NAALADL2: variants seen among roughly 807,000 people sequenced by gnomAD.
NAALADL2 encodes N-acetylated alpha-linked acidic dipeptidase like 2, also known as inactive N-acetylated-alpha-linked acidic dipeptidase-like protein 2.
A neutral mutation model predicts 87.2 loss-of-function variants in NAALADL2; 76 were observed. The ratio of observed to expected loss-of-function variants is 0.87; its 90% CI spans 0.72 to 1.05. The LOEUF (loss-of-function observed/expected upper bound fraction) is 1.05, where lower values mean the gene tolerates loss of function less well. Among genes scored for constraint, NAALADL2 ranks in the 50% least tolerant of loss-of-function variants. The pLI, the probability that NAALADL2 is intolerant of heterozygous loss-of-function variation, is 0.00. For synonymous variants in NAALADL2, 354 were observed against 331.0 expected (o/e 1.07, Z -0.75); for missense variants, 1,089 against 945.8 (o/e 1.15, Z -1.99).
In NAALADL2 at chr3:175,338,594, CAAAAAA is replaced by C. The variant is rs59687897; in HGVS notation, c.1090+14284_1090+14289del. Among the ~76,000 whole-genome samples the C allele has an allele frequency of 2.2e-3, 94 of 41,976 alleles. 1 individual carries two copies. The South Asian group carries it at 0.04, about 18-fold the overall frequency. The allele number at this position is 41,976 out of a possible 152,430, so 27.5% of individuals were successfully genotyped here. ...CAGAGAATTATAAAAATACAAAAAC[CAAAAAA>C]AAAAAAAAAAAAAACACCACAAACA... On this transcript the variant is annotated intron_variant, in intron 5 of 13. Transcript: ENST00000454872.
At chr3:175,571,817 C>A (rs79638791) in intron 9 of NAALADL2, among the ~76,000 whole-genome samples, 18 of 152,262 alleles carry the variant, frequency 1.2e-4, no homozygotes, top group African/African-American at 3.4e-4. Flanking sequence ...CTCAAATCTG[C>A]AAATTGGGTT....
In NAALADL2 at chr3:174,612,953, A is replaced by G. The variant is rs114791047; in HGVS notation, c.-115+62316A>G. On this transcript the variant is annotated intron_variant, in intron 2 of 3. Transcript: ENST00000434257. ...TCCTTCTTGGGAGAGCTTTCCATAC[A>G]GTTGAAAGGACATGGGTATTACGAC... Among the ~76,000 whole-genome samples, 1,461 of 152,288 alleles carry G rather than the reference A, an allele frequency of 9.6e-3. 24 individuals carry two copies. The highest frequency in any genetic ancestry group is 0.033 in the African/African-American group (1,368 of 41,556).
intron 2 of NAALADL2, among the ~76,000 whole-genome samples, chr3:175,139,539 A>G (rs1024092383): frequency 1.3e-5 from 2 of 151,770 alleles, no homozygotes; most frequent in South Asian, 4.1e-4. Context: ...CATTATTCTG[A>G]AATGCTACGT....
At chr3:175,364,407 G>A (rs1401173184) in intron 5 of NAALADL2, among the ~76,000 whole-genome samples, 1 of 147,908 alleles carries the variant, frequency 6.8e-6, no homozygotes, top group Non-Finnish European at 1.5e-5. Flanking sequence ...GAGAAATGTA[G>A]CAAATTTCAG....
chr3:175,005,942 G>A lies in NAALADL2; in HGVS notation c.44-90848G>A, dbSNP rs569991520. 3.9e-5 allele frequency among the ~76,000 whole-genome samples: 6 copies of A among 152,270 alleles called. No homozygotes were observed. In the East Asian group the frequency reaches 5.8e-4, roughly 15 times the overall value. ...TTAATTTGTAAGATGTTGCAACAGC[G>A]TTTGTCTAAAAGCAGTAAATATGTT... is the stretch of plus-strand genomic sequence containing the variant. On this transcript the variant is annotated intron_variant, in intron 1 of 13. Coordinates refer to ENST00000454872, the MANE Select transcript of NAALADL2 (RefSeq NM_207015.3).
At chr3:175,062,059 A>G (rs1713608722) in intron 1 of NAALADL2, among the ~76,000 whole-genome samples, 1 of 151,856 alleles carries the variant, frequency 6.6e-6, no homozygotes, top group Admixed American at 6.6e-5. Context: ...TTTATTTAAC[A>G]TGAACAAAAC....
chr3:175,349,901 G>A (rs1182035969), intron 5 of NAALADL2, among the ~76,000 whole-genome samples: 1 of 151,972 alleles, frequency 6.6e-6, no homozygotes, highest in Non-Finnish European at 1.5e-5. Flanking sequence ...GGACTTATTG[G>A]ATGGAAAGTT....
chr3:174,466,905 G>A (rs1319063576), intron 1 of NAALADL2, among the ~76,000 whole-genome samples: 1 of 152,138 alleles, frequency 6.6e-6, no homozygotes, highest in Non-Finnish European at 1.5e-5. Flanking sequence ...CCTTTTAACA[G>A]CACTTTGGTG....
intron 4 of NAALADL2, among the ~76,000 whole-genome samples, chr3:175,289,657 C>A (rs1755411908): frequency 6.6e-6 from 1 of 151,820 alleles, no homozygotes; most frequent in African/African-American, 2.4e-5. Context: ...CTTAAAATGA[C>A]AACATTAAGA....
At chr3:174,911,513 C>T (rs1733704947) in intron 1 of NAALADL2, among the ~76,000 whole-genome samples, 1 of 151,968 alleles carries the variant, frequency 6.6e-6, no homozygotes, top group Non-Finnish European at 1.5e-5. Flanking sequence ...GTAAGAGTGC[C>T]CCAGTGCACT....
At position 174,894,594 on chromosome 3, in the gene NAALADL2, C is replaced by CAAAAAAAAAAAAAAAAAAAAAAA. The variant is rs869161862; in HGVS notation, c.43+35171_43+35193dup. On this transcript the variant is annotated intron_variant, in intron 1 of 13. Coordinates refer to ENST00000454872, the MANE Select transcript of NAALADL2 (RefSeq NM_207015.3). Reference sequence around the variant, plus strand: ...GGGCAAAAAGAGTGAAACTCCGTCTCAAAAAAAAAAAAAAAAAAAAAAAAA... The same window carrying CAAAAAAAAAAAAAAAAAAAAAAA: ...GGGCAAAAAGAGTGAAACTCCGTCTCAAAAAAAAAAAAAAAAAAAAAAAAAAAAAAAAAAAAAAAAAAAAAAAA... 1.2e-4 allele frequency among the ~76,000 whole-genome samples: 6 copies of CAAAAAAAAAAAAAAAAAAAAAAA among 48,474 alleles called. 1 individual carries two copies. Among genetic ancestry groups the CAAAAAAAAAAAAAAAAAAAAAAA allele is most frequent in the Non-Finnish European group, 1.7e-4 (5 of 28,730 alleles). The allele number at this position is 48,474 out of a possible 152,430, so 31.8% of individuals were successfully genotyped here.
intron 1 of NAALADL2, among the ~76,000 whole-genome samples, chr3:175,081,578 T>C (rs991828037): frequency 6.6e-6 from 1 of 152,204 alleles, no homozygotes; most frequent in Admixed American, 6.5e-5. Flanking sequence ...CTCTAATATG[T>C]ACCTTTTTCT....
intron 4 of NAALADL2, among the ~76,000 whole-genome samples, chr3:175,266,609 G>A (rs1751967982): frequency 6.6e-6 from 1 of 151,640 alleles, no homozygotes; most frequent in South Asian, 2.1e-4. Flanking sequence ...TTCATAAGTA[G>A]ATAAAATACT....
At chr3:175,486,673 T>C (rs1271823924) in intron 9 of NAALADL2, among the ~76,000 whole-genome samples, 1 of 152,156 alleles carries the variant, frequency 6.6e-6, no homozygotes, top group Admixed American at 6.6e-5. Context: ...AAAATTTCTC[T>C]TGGAGGCTGA....
rs113004458 is a variant in NAALADL2, at chr3:175,332,980, T to C, written c.1090+8655T>C. 4.7e-3 allele frequency among the ~76,000 whole-genome samples: 716 copies of C among 152,332 alleles called. 5 individuals carry two copies. Among genetic ancestry groups the C allele is most frequent in the African/African-American group, 0.017 (697 of 41,588 alleles). On this transcript the variant is annotated intron_variant, in intron 5 of 13. Coordinates refer to ENST00000454872, the MANE Select transcript of NAALADL2 (RefSeq NM_207015.3). ...TGACCCATTTATCAATATGTAATAA[T>C]ATATCCCTTTACTTTCATTCTATAT...
chr3:174,773,331 T>C (rs566533), intron 3 of NAALADL2, among the ~76,000 whole-genome samples: 80,528 of 152,034 alleles, frequency 0.53, 21,725 homozygotes, highest in Middle Eastern at 0.64. Flanking sequence ...GTGAACCCAA[T>C]TCAACATCAC....
At chr3:175,452,993 AT>A (rs1270484017) in intron 6 of NAALADL2, among the ~76,000 whole-genome samples, 1 of 152,104 alleles carries the variant, frequency 6.6e-6, no homozygotes. Context: ...AACAGTTTTG[AT>A]TTTAGAAATG....
At chr3:175,307,892 C>T (rs777284629) in intron 4 of NAALADL2, among the ~76,000 whole-genome samples, 57 of 152,280 alleles carry the variant, frequency 3.7e-4, no homozygotes, top group African/African-American at 1.2e-3. Context: ...TAACAAATTA[C>T]TTTCACTTTC....
intron 9 of NAALADL2, among the ~76,000 whole-genome samples, chr3:175,517,306 T>C (rs1731984876): frequency 6.6e-6 from 1 of 152,188 alleles, no homozygotes; most frequent in Non-Finnish European, 1.5e-5. Context: ...AAGTGAATAA[T>C]TATTTTTCAT....
Sources: gnomAD v4.1 joint callset for allele counts (sites outside exome capture counted in the v4.1 genomes callset) on GRCh38, gnomAD v4.1.1 for gene constraint, MANE v1.5 for transcripts, NCBI Gene and HGNC (gene_info 2026-07-23, HGNC 2026-07-21) for gene names.